ROBO2: variants seen among roughly 807,000 people sequenced by gnomAD.
ROBO2 encodes roundabout homolog 2.
ROBO2 carries 53 observed loss-of-function variants against 160.8 expected under a neutral mutation model. That is an observed-to-expected ratio of 0.33 (90% CI 0.26 to 0.41). The LOEUF (loss-of-function observed/expected upper bound fraction) is 0.41. Among genes scored for constraint, ROBO2 ranks in the 10% least tolerant of loss-of-function variants. ROBO2 has a pLI of 1.00. For synonymous variants in ROBO2, 664 were observed against 611.7 expected (o/e 1.09, Z -1.26); for missense variants, 1,577 against 1,722.4 (o/e 0.92, Z 1.49).
chr3:76,892,135 A>T (rs548114114), intron 2 of ROBO2, among the ~76,000 whole-genome samples: 1 of 152,058 alleles, frequency 6.6e-6, no homozygotes, highest in East Asian at 1.9e-4. Flanking sequence ...ATAATTTTTA[A>T]AGAATGGGAA....
At chr3:76,194,350 G>GTGTGTATATATATATATATA (rs759087780) in intron 2 of ROBO2, among the ~76,000 whole-genome samples, 1 of 42,046 alleles carries the variant, frequency 2.4e-5, no homozygotes, top group African/African-American at 5.9e-5. Context: ...TGTATGGTGT[G>GTGTGTATATATATATATATA]TAAATATATA....
intron 2 of ROBO2, among the ~76,000 whole-genome samples, chr3:75,996,121 G>C (rs1207313369): frequency 6.6e-6 from 1 of 152,142 alleles, no homozygotes; most frequent in East Asian, 1.9e-4. Flanking sequence ...TGTTGAGAAG[G>C]CATGGTTTGT....
chr3:77,209,288 AC>A (rs1393340745), intron 2 of ROBO2, among the ~76,000 whole-genome samples: 7 of 152,164 alleles, frequency 4.6e-5, no homozygotes, highest in African/African-American at 1.7e-4. Flanking sequence ...TAATCAAAAA[AC>A]ATCTCTGTTG....
chr3:77,461,737 T>A (rs914555116), intron 2 of ROBO2, among the ~76,000 whole-genome samples: 2 of 151,728 alleles, frequency 1.3e-5, no homozygotes, highest in African/African-American at 4.8e-5. Flanking sequence ...GATGTACTTT[T>A]TTTTTTTTTG....
intron 16 of ROBO2, among the ~76,000 whole-genome samples, chr3:77,586,617 C>A (rs76798019): frequency 6.6e-6 from 1 of 151,924 alleles, no homozygotes; most frequent in Non-Finnish European, 1.5e-5. Context: ...AATAGCAATA[C>A]ACCTTGAGTA....
intron 2 of ROBO2, among the ~76,000 whole-genome samples, chr3:77,110,677 G>A (rs1221265364): frequency 6.7e-6 from 1 of 148,542 alleles, no homozygotes; most frequent in Non-Finnish European, 1.5e-5. Flanking sequence ...AAGTATATAT[G>A]TATATACATA....
At chr3:77,348,046 C>CTTT (rs982768785) in intron 2 of ROBO2, among the ~76,000 whole-genome samples, 2 of 151,988 alleles carry the variant, frequency 1.3e-5, no homozygotes, top group Non-Finnish European at 2.9e-5. Flanking sequence ...TTTTATACAC[C>CTTT]TTTTTTTCCT....
intron 2 of ROBO2, among the ~76,000 whole-genome samples, chr3:76,108,403 C>G (rs985294165): frequency 2.0e-5 from 3 of 151,962 alleles, no homozygotes; most frequent in Admixed American, 1.3e-4. Context: ...CTCTTATATT[C>G]ATATCAACAA....
chr3:75,955,150 A>G (rs1282068761), intron 2 of ROBO2, among the ~76,000 whole-genome samples: 3 of 151,826 alleles, frequency 2.0e-5, no homozygotes, highest in Non-Finnish European at 4.4e-5. Flanking sequence ...GTCACTGGAA[A>G]TGTATAACTT....
intron 2 of ROBO2, among the ~76,000 whole-genome samples, chr3:76,306,126 G>T (rs1334870487): frequency 1.3e-5 from 2 of 152,144 alleles, no homozygotes; most frequent in African/African-American, 4.8e-5. Flanking sequence ...GAGCCTGCTA[G>T]GTACCTAGTG....
intron 2 of ROBO2, among the ~76,000 whole-genome samples, chr3:76,930,313 G>A (rs1030148204): frequency 1.3e-5 from 2 of 152,044 alleles, no homozygotes; most frequent in Non-Finnish European, 2.9e-5. Flanking sequence ...GGCCTACTTT[G>A]TCAAATACCC....
At chr3:77,219,656 T>A (rs764707333) in intron 2 of ROBO2, among the ~76,000 whole-genome samples, 30 of 151,406 alleles carry the variant, frequency 2.0e-4, no homozygotes, top group Admixed American at 3.3e-4. Flanking sequence ...TAGCTCCTGT[T>A]AGCATCAGTT....
intron 2 of ROBO2, among the ~76,000 whole-genome samples, chr3:76,081,538 G>A (rs2068830339): frequency 6.6e-6 from 1 of 152,032 alleles, no homozygotes; most frequent in Non-Finnish European, 1.5e-5. Context: ...GCATAGAATT[G>A]GATGAGAATG....
chr3:77,400,478 TAAG>T (rs1481560724), intron 2 of ROBO2, among the ~76,000 whole-genome samples: 2 of 152,184 alleles, frequency 1.3e-5, no homozygotes, highest in African/African-American at 4.8e-5. Flanking sequence ...CACATAGTTC[TAAG>T]AAGGAGCCAG....
intron 21 of ROBO2, among the ~76,000 whole-genome samples, chr3:77,612,261 G>A (rs1357712725): frequency 6.6e-6 from 1 of 152,168 alleles, no homozygotes; most frequent in Non-Finnish European, 1.5e-5. Context: ...CAAATAAGAT[G>A]TATATCTGTA....
chr3:76,604,919 T>C (rs1453867414), intron 2 of ROBO2, among the ~76,000 whole-genome samples: 3 of 152,180 alleles, frequency 2.0e-5, no homozygotes, highest in African/African-American at 4.8e-5. Flanking sequence ...TTTACATTTA[T>C]ACAGCAAAGG....
rs111593015 is a variant in ROBO2 at position 77,474,946 on chromosome 3, A to G, written c.389-2468A>G. ...ACAGACCCCAGAAACATATAAACAA[A>G]TATCAGAATATACATATCTTCCTTC... On this transcript the variant is annotated intron_variant, in intron 2 of 25. Transcript: ENST00000461745. Among the ~76,000 whole-genome samples, 8 of 152,322 alleles carry G rather than the reference A, an allele frequency of 5.3e-5. 1 individual carries two copies. The highest frequency in any genetic ancestry group is 1.9e-4 in the African/African-American group (8 of 41,572).
At chr3:77,534,501 G>C (rs1386736005) in intron 6 of ROBO2, among the ~76,000 whole-genome samples, 1 of 152,088 alleles carries the variant, frequency 6.6e-6, no homozygotes, top group African/African-American at 2.4e-5. Flanking sequence ...ATTTTCATAA[G>C]TTGCTGCACT....
intron 1 of ROBO2, among the ~76,000 whole-genome samples, chr3:77,072,753 A>G (rs1431585134): frequency 6.6e-6 from 1 of 152,230 alleles, no homozygotes; most frequent in Non-Finnish European, 1.5e-5. Flanking sequence ...ATATTTGTGA[A>G]TGAATATATT....
Sources: allele counts gnomAD v4.1 joint callset (sites outside exome capture counted in the v4.1 genomes callset), GRCh38; gene constraint gnomAD v4.1.1; transcripts MANE v1.5; gene names NCBI Gene and HGNC (gene_info 2026-07-23, HGNC 2026-07-21).